Variants in ATL3 observed in about 807,000 individuals in gnomAD.
ATL3 encodes atlastin GTPase 3.
Under a neutral mutation model 69.5 loss-of-function variants are expected in ATL3, and 49 were observed. The observed-to-expected ratio is 0.71, with a 90% CI of 0.56 to 0.89. The LOEUF (loss-of-function observed/expected upper bound fraction) is 0.89, where lower values mean the gene tolerates loss of function less well. Among genes scored for constraint, ATL3 ranks in the 40% least tolerant of loss-of-function variants. The pLI is 0.00. For missense variants in ATL3, 606 were observed against 645.7 expected (o/e 0.94, Z 0.67); for synonymous variants, 214 against 224.1 (o/e 0.95, Z 0.40).
At chr11:63,669,878 G>T (rs910633988) in intron 1 of ATL3, among the ~76,000 whole-genome samples, 6 of 152,118 alleles carry the variant, frequency 3.9e-5, no homozygotes, top group Admixed American at 3.9e-4. Context: ...AACCCAGGAG[G>T]CGGAGGGTGC....
At chr11:63,653,988 G>A (rs1390091395) in intron 3 of ATL3, among the ~76,000 whole-genome samples, 1 of 152,128 alleles carries the variant, frequency 6.6e-6, no homozygotes, top group Non-Finnish European at 1.5e-5. Flanking sequence ...CTATGTATGG[G>A]TTTTAGCTAA....
chr11:63,656,080 C>A (rs1042689845), intron 3 of ATL3, among the ~76,000 whole-genome samples: 8 of 151,794 alleles, frequency 5.3e-5, no homozygotes, highest in African/African-American at 1.9e-4. Flanking sequence ...AAAACTTAGC[C>A]GGGCGTGGTG....
rs1939299808 is a variant in ATL3, at chr11:63,631,113, T to C, written c.1466A>G (p.Tyr489Cys). Residue 489 changes from tyrosine to cysteine, a missense_variant, in exon 12 of 13, where the codon TAC (tyrosine) becomes TGC (cysteine). Transcript: ENST00000398868. ...ACGATATTGACCAGAATACCTGATG[T>C]AGCCCCAGGTGAGGAGTGCTATTAA... Reference protein sequence around the residue: ...LLLIALLTWGYIRYSGQYREL... With the variant: ...LLLIALLTWGCIRYSGQYREL... The C allele has an allele frequency of 1.2e-6, 2 of 1,614,092 alleles. No individual in the cohort carries two copies. The highest frequency in any genetic ancestry group is 1.1e-5 in the South Asian group (1 of 91,086).
chr11:63,670,039 G>A (rs139486168), intron 1 of ATL3, among the ~76,000 whole-genome samples: 1 of 152,250 alleles, frequency 6.6e-6, no homozygotes, highest in African/African-American at 2.4e-5. Context: ...CCAGGAAGCG[G>A]AGGTTGCAAT....
At chr11:63,663,570 A>C (rs1419642378) in intron 1 of ATL3, among the ~76,000 whole-genome samples, 2 of 152,238 alleles carry the variant, frequency 1.3e-5, no homozygotes, top group African/African-American at 4.8e-5. Context: ...AAAAGGAAAC[A>C]CTTCTGTGAA....
At chr11:63,629,945 A>C (rs1405958283) in intron 12 of ATL3, among the ~76,000 whole-genome samples, 2 of 152,210 alleles carry the variant, frequency 1.3e-5, no homozygotes, top group Admixed American at 6.5e-5. Context: ...GGCTTTTGGA[A>C]GATTTTTAAA....
chr11:63,634,563 A>G (rs1939454187), intron 10 of ATL3, among the ~76,000 whole-genome samples: 1 of 152,174 alleles, frequency 6.6e-6, no homozygotes, highest in Non-Finnish European at 1.5e-5. Flanking sequence ...AGCTCCCTTT[A>G]TGAAAATTTT....
At chr11:63,636,600 G>C (rs562883041) in intron 8 of ATL3, among the ~76,000 whole-genome samples, 1 of 152,102 alleles carries the variant, frequency 6.6e-6, no homozygotes, top group African/African-American at 2.4e-5. Flanking sequence ...CTAGCCAGGC[G>C]TGGTGGCAGG....
chr11:63,634,042 A>C (rs1188224025), intron 10 of ATL3, among the ~76,000 whole-genome samples: 8 of 149,118 alleles, frequency 5.4e-5, no homozygotes, highest in African/African-American at 1.5e-4. Flanking sequence ...CTCAAACAAA[A>C]AAAAAAAAAA....
chr11:63,666,769 C>A (rs1940585501), intron 1 of ATL3, among the ~76,000 whole-genome samples: 1 of 152,128 alleles, frequency 6.6e-6, no homozygotes, highest in African/African-American at 2.4e-5. Context: ...CTAAAAATAT[C>A]TGTAAGTGGC....
At chr11:63,653,018 A>G (rs1940128842) in intron 3 of ATL3, among the ~76,000 whole-genome samples, 1 of 151,966 alleles carries the variant, frequency 6.6e-6, no homozygotes, top group Non-Finnish European at 1.5e-5. Flanking sequence ...AGTGAGACCC[A>G]GTCTCTACAT....
At chr11:63,635,429 A>C in intron 10 of ATL3, 105 bp downstream of exon 10, 1 of 1,006,728 alleles carries the variant, frequency 9.9e-7, no homozygotes, top group Non-Finnish European at 1.5e-6. Context: ...AGCATGATGA[A>C]AAAGGAGAAA....
At chr11:63,665,253 G>A (rs1219654913) in intron 1 of ATL3, among the ~76,000 whole-genome samples, 7 of 151,732 alleles carry the variant, frequency 4.6e-5, no homozygotes, top group African/African-American at 1.7e-4. Flanking sequence ...GCTGAGGCAG[G>A]AGAATCGCTT....
intron 5 of ATL3, among the ~76,000 whole-genome samples, chr11:63,649,166 A>G (rs577874054): frequency 6.6e-6 from 1 of 152,204 alleles, no homozygotes; most frequent in South Asian, 2.1e-4. Context: ...GTTAGGGGGG[A>G]AACTTATTTG....
chr11:63,651,850 G>T, intron 5 of ATL3, 86 bp downstream of exon 5: 3 of 1,479,738 alleles, frequency 2.0e-6, no homozygotes, highest in Non-Finnish European at 2.7e-6. Context: ...TCAATCTTTT[G>T]CTAAAAACTA....
At position 63,659,140 on chromosome 11, in the gene ATL3, G is replaced by GTCC. The variant is rs778728755; in HGVS notation, c.156_158dup (p.Gln52_Asp53insGlu). ...CCACCACATCAAGATCTCGGATGTG[G>GTCC]TCCTGCAAGAGGATGCTGGCCAAGG... On this transcript the variant is annotated inframe_insertion, in exon 2 of 13. Transcript: ENST00000398868. 4.3e-6 allele frequency: 7 copies of GTCC among 1,613,954 alleles called. No individual in the cohort carries two copies. The African/African-American group carries it at 9.3e-5, about 22-fold the overall frequency.
chr11:63,669,293 G>C (rs1286455740), intron 1 of ATL3, among the ~76,000 whole-genome samples: 1 of 152,072 alleles, frequency 6.6e-6, no homozygotes, highest in Non-Finnish European at 1.5e-5. Flanking sequence ...CCAGCACTTT[G>C]GGAGGCCGAG....
intron 11 of ATL3, among the ~76,000 whole-genome samples, chr11:63,631,839 G>A (rs757342965): frequency 6.6e-6 from 1 of 152,072 alleles, no homozygotes; most frequent in African/African-American, 2.4e-5. Context: ...AAAATTAGCC[G>A]GGCGTGATGG....
chr11:63,628,319 CAAAAAA>C lies in ATL3; in HGVS notation c.*994_*999del, dbSNP rs764121315. 16 of 112,534 alleles carry C rather than the reference CAAAAAA, an allele frequency of 1.4e-4. No individual in the cohort carries two copies. The highest frequency in any genetic ancestry group is 5.2e-4 in the African/African-American group (16 of 31,054). The allele number at this position is 112,534 out of a possible 1,614,324, so 7.0% of individuals were successfully genotyped here. A position where few individuals can be genotyped will look rare whatever the true frequency, so the allele number is the denominator to read the frequency against. On this transcript the variant is annotated 3_prime_UTR_variant, in exon 13 of 13. Coordinates refer to ENST00000398868, the MANE Select transcript of ATL3 (RefSeq NM_015459.5). ...TTTTCTAGAAAGAAGCTATAGGGACCAAAAAAAAAAAAAAAATAGAGCAAGTTGCAA... is the reference window on the plus strand; with the variant it reads ...TTTTCTAGAAAGAAGCTATAGGGACCAAAAAAAAAATAGAGCAAGTTGCAA...
Sources: allele counts gnomAD v4.1 joint callset (sites outside exome capture counted in the v4.1 genomes callset), GRCh38; gene constraint gnomAD v4.1.1; transcripts MANE v1.5; gene names NCBI Gene and HGNC (gene_info 2026-07-23, HGNC 2026-07-21).